The following C8orf34 variants were observed in gnomAD, a reference collection of about 807,000 sequenced individuals.
C8orf34 encodes chromosome 8 open reading frame 34, also known as uncharacterized protein C8orf34.
Under a neutral mutation model 68.3 loss-of-function variants are expected in C8orf34, and 65 were observed. That is an observed-to-expected ratio of 0.95 (90% CI 0.78 to 1.17). The LOEUF (loss-of-function observed/expected upper bound fraction) is 1.17, where lower values mean the gene tolerates loss of function less well. Ranked by LOEUF, C8orf34 falls within the 50% of genes most tolerant of loss-of-function variation. C8orf34 has a pLI of 0.00. For synonymous variants in C8orf34, 244 were observed against 241.2 expected (o/e 1.01, Z -0.11); for missense variants, 664 against 655.4 (o/e 1.01, Z -0.14).
chr8:68,766,213 G>A (rs1446700272), intron 10 of C8orf34, among the ~76,000 whole-genome samples: 1 of 152,196 alleles, frequency 6.6e-6, no homozygotes, highest in Admixed American at 6.5e-5. Context: ...TATTGCATGG[G>A]CATTGGGTAT....
chr8:68,414,125 T>C (rs1295479731), intron 1 of C8orf34, among the ~76,000 whole-genome samples: 3 of 152,180 alleles, frequency 2.0e-5, no homozygotes, highest in Admixed American at 6.5e-5. Flanking sequence ...TATCACCCCC[T>C]CAGAGATGCT....
chr8:68,800,760 G>A (rs1393436767), intron 12 of C8orf34, among the ~76,000 whole-genome samples: 2 of 152,164 alleles, frequency 1.3e-5, no homozygotes, highest in African/African-American at 4.8e-5. Context: ...CCAAAAGAAT[G>A]ACAGTGACTT....
chr8:68,563,719 G>T (rs776976227), intron 7 of C8orf34, among the ~76,000 whole-genome samples: 31 of 151,866 alleles, frequency 2.0e-4, no homozygotes, highest in Non-Finnish European at 2.9e-5. Flanking sequence ...GTATTATGTT[G>T]CAGTGGTACT....
intron 3 of C8orf34, among the ~76,000 whole-genome samples, chr8:68,452,769 G>A (rs2129627687): frequency 6.6e-6 from 1 of 150,730 alleles, no homozygotes; most frequent in Admixed American, 6.7e-5. Context: ...TAATTTTGAT[G>A]AAGCTCAATT....
chr8:68,651,468 A>T (rs1819355373), intron 8 of C8orf34, among the ~76,000 whole-genome samples: 1 of 152,208 alleles, frequency 6.6e-6, no homozygotes, highest in South Asian at 2.1e-4. Flanking sequence ...ACGTTCGAGA[A>T]TATCTGTGAT....
chr8:68,407,420 GT>G (rs565112533), intron 1 of C8orf34, among the ~76,000 whole-genome samples: 1 of 151,554 alleles, frequency 6.6e-6, no homozygotes, highest in African/African-American at 2.4e-5. Context: ...CCTGCTGTTT[GT>G]TTTTTTAACA....
At chr8:68,731,366 C>T (rs1254315812) in intron 10 of C8orf34, among the ~76,000 whole-genome samples, 1 of 151,728 alleles carries the variant, frequency 6.6e-6, no homozygotes, top group Non-Finnish European at 1.5e-5. Flanking sequence ...CTGACTCAAA[C>T]AAACCAAAAA....
intron 10 of C8orf34, among the ~76,000 whole-genome samples, chr8:68,755,929 T>C (rs1585835053): frequency 1.3e-5 from 2 of 149,638 alleles, no homozygotes; most frequent in Non-Finnish European, 3.0e-5. Context: ...TAGCCGGGCG[T>C]GATGGCGGGC....
At chr8:68,538,980 G>C (rs980624594) in intron 7 of C8orf34, among the ~76,000 whole-genome samples, 3 of 152,056 alleles carry the variant, frequency 2.0e-5, no homozygotes, top group Non-Finnish European at 4.4e-5. Context: ...TTAGAAATTT[G>C]TACTATATGT....
At chr8:68,663,290 G>T (rs538168561) in intron 8 of C8orf34, among the ~76,000 whole-genome samples, 1 of 152,118 alleles carries the variant, frequency 6.6e-6, no homozygotes, top group Non-Finnish European at 1.5e-5. Flanking sequence ...CAAGTGATTT[G>T]CTCATTTATC....
At chr8:68,423,521 C>T (rs1250399167) in intron 1 of C8orf34, among the ~76,000 whole-genome samples, 1 of 152,168 alleles carries the variant, frequency 6.6e-6, no homozygotes, top group Non-Finnish European at 1.5e-5. Context: ...AATTTTCCCA[C>T]ATCTTCCTAT....
chr8:68,463,282 A>T (rs1272626021), intron 3 of C8orf34, among the ~76,000 whole-genome samples: 1 of 152,174 alleles, frequency 6.6e-6, no homozygotes, highest in Non-Finnish European at 1.5e-5. Flanking sequence ...CAGGCTCTGA[A>T]ATTGTGGCAA....
At chr8:68,548,745 A>G (rs1815969556) in intron 7 of C8orf34, among the ~76,000 whole-genome samples, 1 of 151,874 alleles carries the variant, frequency 6.6e-6, no homozygotes, top group African/African-American at 2.4e-5. Flanking sequence ...TTTATTCAAA[A>G]TAACCCAAAC....
chr8:68,469,110 C>G (rs1812272602), intron 4 of C8orf34, among the ~76,000 whole-genome samples: 1 of 151,950 alleles, frequency 6.6e-6, no homozygotes, highest in Non-Finnish European at 1.5e-5. Context: ...CTAATAGTAG[C>G]TTCTTCATTC....
intron 12 of C8orf34, chr8:68,791,459 C>T (rs28513611): frequency 0.093 from 14,237 of 152,768 alleles, 854 homozygotes; most frequent in South Asian, 0.15. Context: ...ACAGGTCCTC[C>T]AGACTGTGGG....
intron 1 of C8orf34, among the ~76,000 whole-genome samples, chr8:68,421,803 T>C (rs1392626048): frequency 6.6e-6 from 1 of 152,156 alleles, no homozygotes; most frequent in African/African-American, 2.4e-5. Context: ...GGGTAATTTA[T>C]AAAGAAAAGA....
Position 68,818,398 on chromosome 8 carries a change from G to A in C8orf34, c.*152G>A. The A allele has an allele frequency of 1.2e-6, 1 of 845,202 alleles. No individual in the cohort carries two copies. Among genetic ancestry groups the A allele is most frequent in the Non-Finnish European group, 1.9e-6 (1 of 536,002 alleles). 52.4% of individuals were successfully genotyped at this position (845,202 alleles called of 1,614,324 possible). ...AAACAAGTACTATCGTAGCCAGGGGGTGCCCAAGTATGTAATCAGAGAACA... is the reference window on the plus strand; with the variant it reads ...AAACAAGTACTATCGTAGCCAGGGGATGCCCAAGTATGTAATCAGAGAACA... On this transcript the variant is annotated 3_prime_UTR_variant, in exon 14 of 14. Transcript: ENST00000518698.
intron 2 of C8orf34, among the ~76,000 whole-genome samples, chr8:68,441,573 A>G (rs1459382672): frequency 2.6e-5 from 4 of 151,946 alleles, no homozygotes; most frequent in Non-Finnish European, 5.9e-5. Context: ...ATCATAGTTC[A>G]CTATAACCGT....
intron 7 of C8orf34, 54 bp downstream of exon 7, chr8:68,533,203 A>C: frequency 6.5e-7 from 1 of 1,532,288 alleles, no homozygotes; most frequent in Non-Finnish European, 8.7e-7. Flanking sequence ...TGTAAAAAAA[A>C]CGTGTGGTGA....
Sources: gnomAD v4.1 joint callset for allele counts (sites outside exome capture counted in the v4.1 genomes callset) on GRCh38, gnomAD v4.1.1 for gene constraint, MANE v1.5 for transcripts, NCBI Gene and HGNC (gene_info 2026-07-23, HGNC 2026-07-21) for gene names.